The following UBE2O variants were observed in gnomAD, a reference collection of about 807,000 sequenced individuals.
UBE2O encodes the protein ubiquitin conjugating enzyme E2 O.
A neutral mutation model predicts 125.8 loss-of-function variants in UBE2O; 15 were observed. The observed-to-expected ratio is 0.12, with a 90% CI of 0.08 to 0.18. UBE2O has a LOEUF of 0.18. Among genes scored for constraint, UBE2O ranks in the 10% least tolerant of loss-of-function variants. UBE2O has a pLI of 1.00. For missense variants in UBE2O, 1,280 were observed against 1,723.6 expected, an observed-to-expected ratio of 0.74 and a Z score of 4.56; for synonymous variants, 708 against 703.2, an observed-to-expected ratio of 1.01 and a Z score of -0.11.
chr17:76,415,161 G>C (rs1043491994), intron 1 of UBE2O, among the ~76,000 whole-genome samples: 2 of 152,286 alleles, frequency 1.3e-5, no homozygotes, highest in South Asian at 2.1e-4. Flanking sequence ...GCCAGGCACA[G>C]AGCAAGTTCA....
intron 1 of UBE2O, among the ~76,000 whole-genome samples, chr17:76,411,115 G>T (rs1461823850): frequency 6.6e-6 from 1 of 152,142 alleles, no homozygotes; most frequent in East Asian, 1.9e-4. Flanking sequence ...CATCTTCCAG[G>T]TAATACTCCC....
Position 76,398,778 on chromosome 17 carries a change from C to T in UBE2O, c.1783+59G>A. ...ATCCACTGCCCATTCTCCACAAGCC[C>T]CAACCCGGGCCCTCATTGGCGACCA... On this transcript the variant is annotated intron_variant, in intron 10 of 17. Coordinates refer to ENST00000319380, the MANE Select transcript of UBE2O (RefSeq NM_022066.4). This position sits in a 1 kb window ranked among gnomAD's most constrained non-coding sequence, Gnocchi z 5.4. 1 of 1,589,192 alleles carries T rather than the reference C, an allele frequency of 6.3e-7. No individual in the cohort carries two copies. The highest frequency in any genetic ancestry group is 8.6e-7 in the Non-Finnish European group (1 of 1,167,030).
intron 1 of UBE2O, among the ~76,000 whole-genome samples, chr17:76,436,530 T>C (rs2073000764): frequency 6.6e-6 from 1 of 152,102 alleles, no homozygotes; most frequent in Non-Finnish European, 1.5e-5. Flanking sequence ...CCTGGGACTT[T>C]CCCTCCTTGC....
chr17:76,391,403 T>C lies in UBE2O; in HGVS notation c.3419A>G (p.Asn1140Ser), dbSNP rs1340328271. ...GGTTTCCAGCCAGGACTCGATACGG[T>C]TCACCAGCCGCCAGCCACCAGTGCT... is the stretch of plus-strand genomic sequence containing the variant. The part of the protein sequence containing the change: ...HFSTGGWRLV[N>S]RIESWLETHA... The change falls in exon 18 of 18, where the codon AAC (asparagine) becomes AGC (serine). Residue 1140 changes from asparagine to serine, a missense_variant. Around this residue, in one of 10 missense-constraint regions of UBE2O, gnomAD observed 233 missense variants for 279.0 expected, o/e 0.84. Coordinates refer to ENST00000319380, the MANE Select transcript of UBE2O (RefSeq NM_022066.4). This position sits in a 1 kb window ranked among gnomAD's most constrained non-coding sequence, Gnocchi z 8.4. 6.2e-7 allele frequency: 1 copy of C among 1,613,300 alleles called. No homozygotes were observed. The highest frequency in any genetic ancestry group is 8.5e-7 in the Non-Finnish European group (1 of 1,180,026).
At chr17:76,444,671 A>C (rs180719941) in intron 1 of UBE2O, among the ~76,000 whole-genome samples, 1 of 152,316 alleles carries the variant, frequency 6.6e-6, no homozygotes, top group Non-Finnish European at 1.5e-5. Flanking sequence ...TGAAGGCGAG[A>C]GCAGGTCATG....
rs762529413 is a variant in UBE2O, at chr17:76,399,681, T to G, written c.1396A>C (p.Lys466Gln). ...TGCAGCCTGTCATCTCTGCCTTCTT[T>G]TAGCAGGAATGGGGGCAGCTGCTCT... ...AGEQLPPFLL[K>Q]EGRDDRLHSA... Residue 466 changes from lysine (K) to glutamine (Q), a missense_variant, in exon 9 of 18, where the codon AAA becomes CAA. This residue lies in a region of UBE2O where 141 missense variants were observed against 141.3 expected (regional missense o/e 1.00). Coordinates refer to ENST00000319380, the MANE Select transcript of UBE2O (RefSeq NM_022066.4). The surrounding 1 kb of genome is among the most constrained non-coding windows in gnomAD (Gnocchi z 6.9). 2 of 1,614,046 alleles carry G rather than the reference T, an allele frequency of 1.2e-6. No individual in the cohort carries two copies. The highest frequency in any genetic ancestry group is 1.7e-6 in the Non-Finnish European group (2 of 1,180,042).
intron 1 of UBE2O, among the ~76,000 whole-genome samples, chr17:76,448,517 C>T (rs2073184642): frequency 6.6e-6 from 1 of 152,192 alleles, no homozygotes; most frequent in Non-Finnish European, 1.5e-5. Flanking sequence ...GTTTCACACA[C>T]ACAGCTTCAT....
At chr17:76,427,643 G>C (rs978993717) in intron 1 of UBE2O, among the ~76,000 whole-genome samples, 6 of 152,248 alleles carry the variant, frequency 3.9e-5, no homozygotes, top group Non-Finnish European at 7.3e-5. Flanking sequence ...AGAAGCTTCA[G>C]GGGTATCGCC....
At position 76,399,368 on chromosome 17, in the gene UBE2O, C is replaced by G. The variant is rs2072275141; in HGVS notation, c.1628+81G>C. 4 of 1,349,948 alleles carry G rather than the reference C, an allele frequency of 3.0e-6. No homozygotes were observed. The East Asian group carries it at 9.2e-5, about 31-fold the overall frequency. 83.6% of individuals were successfully genotyped at this position (1,349,948 alleles called of 1,614,324 possible). A position where few individuals can be genotyped will look rare whatever the true frequency, so the allele number is the denominator to read the frequency against. ...GCATGCAGAGGTGTGTGTGCGAGCG[C>G]AGGCACGCACACCGAGGGGACGCGC... On this transcript the variant is annotated intron_variant, in intron 9 of 17. Coordinates refer to ENST00000319380, the MANE Select transcript of UBE2O (RefSeq NM_022066.4). The surrounding 1 kb of genome is among the most constrained non-coding windows in gnomAD (Gnocchi z 6.9).
At chr17:76,403,326 A>G (rs2072361913) in intron 3 of UBE2O, among the ~76,000 whole-genome samples, 1 of 151,740 alleles carries the variant, frequency 6.6e-6, no homozygotes, top group Non-Finnish European at 1.5e-5. Flanking sequence ...CTGGAGTGCA[A>G]TGGTGTGATC....
chr17:76,430,824 T>C, intron 1 of UBE2O: 1 of 334,374 alleles, frequency 3.0e-6, no homozygotes, highest in Non-Finnish European at 5.9e-6. Context: ...CCCTTTGGGC[T>C]CACACCACTG....
intron 1 of UBE2O, chr17:76,430,462 G>T (rs2072886656): frequency 1.2e-5 from 3 of 248,336 alleles, no homozygotes. Flanking sequence ...CCTCCCTGTT[G>T]GCAGCAGCTC....
intron 1 of UBE2O, among the ~76,000 whole-genome samples, chr17:76,411,563 T>C (rs2072516478): frequency 6.6e-6 from 1 of 152,210 alleles, no homozygotes; most frequent in Non-Finnish European, 1.5e-5. Flanking sequence ...CATGCCACAG[T>C]CATCTCCAGG....
At position 76,418,401 on chromosome 17, in the gene UBE2O, C is replaced by T. The variant is rs991179681; in HGVS notation, c.418-12829G>A. Among the ~76,000 whole-genome samples the T allele has an allele frequency of 3.9e-5, 6 of 152,282 alleles. 1 individual carries two copies. The highest frequency in any genetic ancestry group is 3.3e-4 in the Admixed American group (5 of 15,308). On this transcript the variant is annotated intron_variant, in intron 1 of 17. Transcript: ENST00000319380. The stretch of plus-strand genomic sequence containing the variant: ...AGCCATGCCTTACAACCAGCAACTG[C>T]GAGGCGCCATTTGGCTGTCTGCACC...
Position 76,427,678 on chromosome 17 carries a change from G to C in UBE2O, c.418-22106C>G, listed in dbSNP as rs1340899496. Among the ~76,000 whole-genome samples, 3 of 152,262 alleles carry C rather than the reference G, an allele frequency of 2.0e-5. No individual in the cohort carries two copies. In the East Asian group the frequency reaches 5.8e-4, roughly 29 times the overall value. ...CAGTCTGCTGGCTGGTCTGGTGCCA[G>C]CTCGGGCATTCCTGCAACATGTAGA... On this transcript the variant is annotated intron_variant, in intron 1 of 17. Coordinates refer to ENST00000319380, the MANE Select transcript of UBE2O (RefSeq NM_022066.4).
intron 1 of UBE2O, among the ~76,000 whole-genome samples, chr17:76,444,703 A>G (rs2143908466): frequency 6.6e-6 from 1 of 152,320 alleles, no homozygotes; most frequent in East Asian, 1.9e-4. Flanking sequence ...GCAGACATCC[A>G]TTTCCCCCAG....
chr17:76,441,746 T>A (rs1292385126), intron 1 of UBE2O, among the ~76,000 whole-genome samples: 10 of 152,240 alleles, frequency 6.6e-5, no homozygotes, highest in Non-Finnish European at 1.0e-4. Context: ...AGTGCTGGAT[T>A]AGAATCCATT....
chr17:76,452,692 C>T lies in UBE2O; in HGVS notation c.417+33G>A. ...CCTCGGCCCGGCCGCCGACCCCCTG[C>T]CGCCCGCGCCGCCCAGCCCCCGCCC... On this transcript the variant is annotated intron_variant, in intron 1 of 17. Coordinates refer to ENST00000319380, the MANE Select transcript of UBE2O (RefSeq NM_022066.4). The surrounding 1 kb of genome is among the most constrained non-coding windows in gnomAD (Gnocchi z 4.4). 1 of 1,351,880 alleles carries T rather than the reference C, an allele frequency of 7.4e-7. No individual in the cohort carries two copies. The highest frequency in any genetic ancestry group is 1.9e-5 in the South Asian group (1 of 52,900). 83.7% of individuals were successfully genotyped at this position (1,351,880 alleles called of 1,614,324 possible).
Position 76,405,625 on chromosome 17 carries a change from TAC to T in UBE2O, c.418-55_418-54del, listed in dbSNP as rs1190379935. 26 of 1,461,568 alleles carry T rather than the reference TAC, an allele frequency of 1.8e-5. No homozygotes were observed. The Admixed American group carries it at 3.4e-4, about 19-fold the overall frequency. 90.5% of individuals were successfully genotyped at this position (1,461,568 alleles called of 1,614,324 possible). On this transcript the variant is annotated intron_variant, in intron 1 of 17. Coordinates refer to ENST00000319380, the MANE Select transcript of UBE2O (RefSeq NM_022066.4). The surrounding 1 kb of genome is among the most constrained non-coding windows in gnomAD (Gnocchi z 6.1). The stretch of plus-strand genomic sequence containing the variant: ...AATGGACTCTGAAGCCACCACAGAA[TAC>T]AGTTTTCTTCCAGCTTCTGAAGGAA...
Sources: gnomAD v4.1 joint callset for allele counts (sites outside exome capture counted in the v4.1 genomes callset) on GRCh38, gnomAD v4.1.1 for gene constraint, gnomAD v4.1.1 regional missense constraint, Gnocchi (gnomAD v3.1) non-coding constraint, MANE v1.5 for transcripts, NCBI Gene and HGNC (gene_info 2026-07-23, HGNC 2026-07-21) for gene names.